The following CCSER1 variants were observed in gnomAD, a reference collection of about 807,000 sequenced individuals.
CCSER1 encodes the protein coiled-coil serine rich protein 1.
Under a neutral mutation model 82.0 loss-of-function variants are expected in CCSER1, and 41 were observed. The ratio of observed to expected loss-of-function variants is 0.50; its 90% CI spans 0.39 to 0.65. CCSER1 has a LOEUF of 0.65. Ranked by LOEUF, CCSER1 falls within the 30% of genes least tolerant of loss-of-function variation. CCSER1 has a pLI of 0.00. For synonymous variants in CCSER1, 414 were observed against 383.9 expected, an observed-to-expected ratio of 1.08 and a Z score of -0.92; for missense variants, 1,119 against 1,064.2, an observed-to-expected ratio of 1.05 and a Z score of -0.72.
intron 4 of CCSER1, among the ~76,000 whole-genome samples, chr4:90,444,985 G>A (rs1438887251): frequency 1.3e-5 from 2 of 151,682 alleles, no homozygotes; most frequent in Non-Finnish European, 2.9e-5. Context: ...GTTATTCATC[G>A]TGAAGCTGAT....
At chr4:91,394,685 A>C (rs979768439) in intron 10 of CCSER1, among the ~76,000 whole-genome samples, 1 of 152,142 alleles carries the variant, frequency 6.6e-6, no homozygotes, top group Non-Finnish European at 1.5e-5. Context: ...TCTATTTTAC[A>C]TGACAGAAAG....
At chr4:90,143,579 T>C (rs1725230167) in intron 1 of CCSER1, among the ~76,000 whole-genome samples, 1 of 152,022 alleles carries the variant, frequency 6.6e-6, no homozygotes, top group Admixed American at 6.6e-5. Flanking sequence ...TAAATTTTTG[T>C]TGAATGAATG....
At chr4:91,052,981 C>T (rs1013208231) in intron 9 of CCSER1, among the ~76,000 whole-genome samples, 1 of 151,920 alleles carries the variant, frequency 6.6e-6, no homozygotes, top group Admixed American at 6.6e-5. Flanking sequence ...TAGGTGTTCT[C>T]CTCTGGTAAG....
At chr4:90,455,417 G>A (rs1176578244) in intron 4 of CCSER1, among the ~76,000 whole-genome samples, 2 of 152,104 alleles carry the variant, frequency 1.3e-5, no homozygotes, top group African/African-American at 4.8e-5. Flanking sequence ...AGGAGGAAAA[G>A]GTGATTTTTC....
intron 1 of CCSER1, among the ~76,000 whole-genome samples, chr4:90,190,557 A>G (rs1735437984): frequency 6.6e-6 from 1 of 152,110 alleles, no homozygotes; most frequent in Non-Finnish European, 1.5e-5. Flanking sequence ...GCTTTCATGG[A>G]TTTGTGAATA....
chr4:91,565,029 TGTGTGTGTGTG>T (rs1762821141), intron 10 of CCSER1, among the ~76,000 whole-genome samples: 4 of 370 alleles, frequency 0.011, no homozygotes, highest in African/African-American at 0.037. Context: ...CCTTGAGTTG[TGTGTGTGTGTG>T]TGTGTGTGTG....
intron 4 of CCSER1, among the ~76,000 whole-genome samples, chr4:90,413,210 A>G (rs577853952): frequency 1.2e-4 from 19 of 152,368 alleles, no homozygotes; most frequent in African/African-American, 4.3e-4. Context: ...CTGCAAAAAC[A>G]TAAAGTAAAA....
chr4:90,141,911 G>T (rs1724865667), intron 1 of CCSER1, among the ~76,000 whole-genome samples: 1 of 152,132 alleles, frequency 6.6e-6, no homozygotes, highest in Non-Finnish European at 1.5e-5. Context: ...ATTTATTTTA[G>T]CACATTAATG....
chr4:90,285,807 T>G (rs1374941480), intron 1 of CCSER1, among the ~76,000 whole-genome samples: 1 of 151,996 alleles, frequency 6.6e-6, no homozygotes, highest in Non-Finnish European at 1.5e-5. Flanking sequence ...CATGTTGAGG[T>G]ATGTTCCTTT....
chr4:91,531,805 C>G (rs901111736), intron 10 of CCSER1, among the ~76,000 whole-genome samples: 2 of 152,188 alleles, frequency 1.3e-5, no homozygotes, highest in African/African-American at 2.4e-5. Flanking sequence ...CTAATCCCAG[C>G]AATGAAATAT....
intron 8 of CCSER1, among the ~76,000 whole-genome samples, chr4:90,877,577 T>C (rs1211802368): frequency 6.6e-6 from 1 of 152,024 alleles, no homozygotes; most frequent in Admixed American, 6.6e-5. Context: ...CATTTTTAAA[T>C]GTTGACTAAG....
intron 9 of CCSER1, among the ~76,000 whole-genome samples, chr4:90,972,154 A>AAAAG (rs893891057): frequency 4.6e-5 from 7 of 151,824 alleles, no homozygotes; most frequent in African/African-American, 1.7e-4. Context: ...TTAAACAAGA[A>AAAAG]AAAGAAAGAA....
chr4:91,430,006 T>C (rs1754201465), intron 10 of CCSER1, among the ~76,000 whole-genome samples: 1 of 152,032 alleles, frequency 6.6e-6, no homozygotes, highest in African/African-American at 2.4e-5. Context: ...TGTGTAACAC[T>C]TTAAAAAATT....
intron 10 of CCSER1, among the ~76,000 whole-genome samples, chr4:91,266,923 C>T (rs1273652686): frequency 6.6e-6 from 1 of 152,064 alleles, no homozygotes; most frequent in Non-Finnish European, 1.5e-5. Context: ...TTTTTTCCTG[C>T]TCCTGAATAT....
chr4:90,547,363 A>G (rs1776896920), intron 5 of CCSER1, among the ~76,000 whole-genome samples: 1 of 152,056 alleles, frequency 6.6e-6, no homozygotes, highest in African/African-American at 2.4e-5. Flanking sequence ...ATTTTTAAAC[A>G]AAGTGTCTAT....
At chr4:91,575,280 G>C (rs1047551377) in intron 10 of CCSER1, among the ~76,000 whole-genome samples, 12 of 151,830 alleles carry the variant, frequency 7.9e-5, no homozygotes, top group African/African-American at 2.7e-4. Flanking sequence ...GAAAACCCAG[G>C]AGAAAAACTC....
chr4:90,697,810 A>T (rs1175850311), intron 6 of CCSER1, among the ~76,000 whole-genome samples: 1 of 152,184 alleles, frequency 6.6e-6, no homozygotes, highest in Non-Finnish European at 1.5e-5. Flanking sequence ...CTATACTCTC[A>T]GGAATACATG....
chr4:90,961,251 G>A (rs1391527714), intron 9 of CCSER1, among the ~76,000 whole-genome samples: 2 of 152,040 alleles, frequency 1.3e-5, no homozygotes, highest in Non-Finnish European at 2.9e-5. Context: ...TCCCTATCCA[G>A]CATTCATCAA....
At chr4:90,821,300 A>G (rs1466925479) in intron 8 of CCSER1, among the ~76,000 whole-genome samples, 1 of 152,220 alleles carries the variant, frequency 6.6e-6, no homozygotes, top group Non-Finnish European at 1.5e-5. Context: ...GCGAACTATT[A>G]AACAGGGTGG....
Sources: allele counts gnomAD v4.1 joint callset (sites outside exome capture counted in the v4.1 genomes callset), GRCh38; gene constraint gnomAD v4.1.1; transcripts MANE v1.5; gene names NCBI Gene and HGNC (gene_info 2026-07-23, HGNC 2026-07-21).